RAI14: variants seen among roughly 807,000 people sequenced by gnomAD.
RAI14 encodes ankycorbin.
A neutral mutation model predicts 115.4 loss-of-function variants in RAI14; 45 were observed. The ratio of observed to expected loss-of-function variants is 0.39; its 90% CI spans 0.31 to 0.50. The LOEUF (loss-of-function observed/expected upper bound fraction) is 0.50, where lower values mean the gene tolerates loss of function less well. RAI14 is among the 20% of genes least tolerant of loss of function. The pLI is 0.85. For missense variants in RAI14, 939 were observed against 1,131.2 expected, an observed-to-expected ratio of 0.83 and a Z score of 2.44; for synonymous variants, 371 against 415.4, an observed-to-expected ratio of 0.89 and a Z score of 1.30.
chr5:34,685,166 G>A (rs1425370963), intron 1 of RAI14: 1 of 151,840 alleles, frequency 6.6e-6, no homozygotes, highest in Non-Finnish European at 1.5e-5. Context: ...AGGATAGCTT[G>A]AGCCCAGGAA....
chr5:34,697,640 G>A (rs755479034), intron 2 of RAI14, among the ~76,000 whole-genome samples: 6 of 152,164 alleles, frequency 3.9e-5, no homozygotes, highest in African/African-American at 9.7e-5. Context: ...TACACAGATA[G>A]GGACTATCAT....
At chr5:34,695,127 T>C (rs1739065099) in intron 2 of RAI14, among the ~76,000 whole-genome samples, 1 of 152,188 alleles carries the variant, frequency 6.6e-6, no homozygotes, top group Non-Finnish European at 1.5e-5. Flanking sequence ...CCTGAACTCC[T>C]GACCTCAGGT....
rs1758063681 is a variant in RAI14 at position 34,832,194 on chromosome 5, T to G, written c.*1429T>G. The G allele has an allele frequency of 6.6e-6, 1 of 152,662 alleles. No individual in the cohort carries two copies. Among genetic ancestry groups the G allele is most frequent in the African/African-American group, 2.4e-5 (1 of 41,452 alleles). The allele number at this position is 152,662 out of a possible 1,614,324, so 9.5% of individuals were successfully genotyped here. On this transcript the variant is annotated 3_prime_UTR_variant, in exon 18 of 18. Coordinates refer to ENST00000265109, the MANE Select transcript of RAI14 (RefSeq NM_015577.3). ...CAGGGCCCATGTCCCACAAGGCTGC[T>G]TGGCCTCAGTGGGTGCTTGGCTGTG...
At chr5:34,720,600 T>C (rs948076459) in intron 2 of RAI14, among the ~76,000 whole-genome samples, 25 of 151,822 alleles carry the variant, frequency 1.6e-4, no homozygotes, top group South Asian at 8.3e-4. Flanking sequence ...TTAGTAGAGA[T>C]GGGGTTTCAC....
intron 11 of RAI14, 109 bp from the exon 12 acceptor site, chr5:34,814,474 A>G: frequency 2.7e-6 from 2 of 741,622 alleles, no homozygotes; most frequent in Admixed American, 2.3e-5. Context: ...AAGGATACTT[A>G]CTGTTAGATT....
chr5:34,798,137 G>C (rs1458085146), intron 4 of RAI14, among the ~76,000 whole-genome samples: 1 of 152,140 alleles, frequency 6.6e-6, no homozygotes, highest in Non-Finnish European at 1.5e-5. Context: ...CCAGGTTCAA[G>C]TGACTCTCCT....
chr5:34,784,365 AG>A (rs1211215814), intron 3 of RAI14, among the ~76,000 whole-genome samples: 2 of 152,224 alleles, frequency 1.3e-5, no homozygotes, highest in African/African-American at 4.8e-5. Context: ...TATACTAGGG[AG>A]GATCCAATTA....
At chr5:34,743,517 A>G (rs991019572) in intron 2 of RAI14, among the ~76,000 whole-genome samples, 1 of 152,204 alleles carries the variant, frequency 6.6e-6, no homozygotes, top group Non-Finnish European at 1.5e-5. Flanking sequence ...TTTCCAATTA[A>G]GATTGCATTC....
chr5:34,772,939 C>T (rs1008134875), intron 3 of RAI14, among the ~76,000 whole-genome samples: 1 of 152,118 alleles, frequency 6.6e-6, no homozygotes, highest in Non-Finnish European at 1.5e-5. Context: ...GGATCAAAGT[C>T]ATTTTGTGTA....
At chr5:34,671,705 A>T (rs1413697177) in intron 1 of RAI14, among the ~76,000 whole-genome samples, 1 of 152,182 alleles carries the variant, frequency 6.6e-6, no homozygotes, top group Non-Finnish European at 1.5e-5. Flanking sequence ...TATTTCCAAT[A>T]TGTAATCCAT....
At chr5:34,770,766 C>G (rs141190584) in intron 3 of RAI14, among the ~76,000 whole-genome samples, 1 of 152,002 alleles carries the variant, frequency 6.6e-6, no homozygotes, top group South Asian at 2.1e-4. Context: ...CAGGACACTG[C>G]GTGTAGAGCC....
At chr5:34,665,031 A>ATATATG (rs1561220523) in intron 1 of RAI14, among the ~76,000 whole-genome samples, 1 of 31,428 alleles carries the variant, frequency 3.2e-5, no homozygotes, top group African/African-American at 7.9e-5. Flanking sequence ...GTATATATAT[A>ATATATG]TGTATATATA....
At position 34,832,497 on chromosome 5, in the gene RAI14, A is replaced by AT. The variant is rs745406553; in HGVS notation, c.*1733dup. ...AGCCTTTTATCTTGTTTCCGGATGC[A>AT]TATTTATTACGAGTACTCTGGTTAA... On this transcript the variant is annotated 3_prime_UTR_variant, in exon 18 of 18. Coordinates refer to ENST00000265109, the MANE Select transcript of RAI14 (RefSeq NM_015577.3). 7 of 152,624 alleles carry AT rather than the reference A, an allele frequency of 4.6e-5. No homozygotes were observed. Among genetic ancestry groups the AT allele is most frequent in the Non-Finnish European group, 8.8e-5 (6 of 68,028 alleles). 9.5% of individuals were successfully genotyped at this position (152,624 alleles called of 1,614,324 possible).
chr5:34,687,257 A>C (rs958180594), intron 2 of RAI14, among the ~76,000 whole-genome samples: 2 of 152,200 alleles, frequency 1.3e-5, no homozygotes, highest in Non-Finnish European at 2.9e-5. Context: ...AAACCTCAAC[A>C]TTTCTAAAGT....
At position 34,665,159 on chromosome 5, in the gene RAI14, GTA is replaced by G. The variant is rs1554037608; in HGVS notation, c.-49+8697_-49+8698del. On this transcript the variant is annotated intron_variant, in intron 1 of 17. Coordinates refer to ENST00000265109, the MANE Select transcript of RAI14 (RefSeq NM_015577.3). Reference sequence around the variant, plus strand: ...TATATATACACATATATATGTGTGTGTATATATATATATACACACATATATAT... The same window carrying G: ...TATATATACACATATATATGTGTGTGTATATATATATACACACATATATAT... Among the ~76,000 whole-genome samples the G allele has an allele frequency of 7.2e-4, 10 of 13,798 alleles. 4 individuals are homozygous for G. Among genetic ancestry groups the G allele is most frequent in the African/African-American group, 2.2e-3 (10 of 4,450 alleles). The allele number at this position is 13,798 out of a possible 152,430, so 9.1% of individuals were successfully genotyped here. A position where few individuals can be genotyped will look rare whatever the true frequency, so the allele number is the denominator to read the frequency against.
rs761936931 is a variant in RAI14 at position 34,814,612 on chromosome 5, A to G, written c.882A>G (p.Ile294Met). 3 of 1,613,642 alleles carry G rather than the reference A, an allele frequency of 1.9e-6. No homozygotes were observed. In the South Asian group the frequency reaches 3.3e-5, roughly 18 times the overall value. Residue 294 changes from isoleucine to methionine, a missense_variant, in exon 12 of 18, where the codon ATA becomes ATG. Physicochemically the swap from Ile to Met is conservative, Grantham distance 10. Coordinates refer to ENST00000265109, the MANE Select transcript of RAI14 (RefSeq NM_015577.3). ...GTGATGTCTCTTCCCCAAGATCAAT[A>G]ACTTCGACTCCACTATCGGGAAAGG... ...QLSDVSSPRS[I>M]TSTPLSGKES...
At chr5:34,689,084 T>C (rs1253174385) in intron 2 of RAI14, among the ~76,000 whole-genome samples, 3 of 152,120 alleles carry the variant, frequency 2.0e-5, no homozygotes, top group African/African-American at 7.2e-5. Context: ...GAAAGAGGAA[T>C]TTTGGGTGGA....
At chr5:34,770,659 G>A (rs73078620) in intron 3 of RAI14, among the ~76,000 whole-genome samples, 9,993 of 152,246 alleles carry the variant, frequency 0.066, 463 homozygotes, top group Middle Eastern at 0.16. Flanking sequence ...GAACTGCAAG[G>A]CAAAGGCCCT....
chr5:34,729,208 G>A (rs1017638235), intron 2 of RAI14, among the ~76,000 whole-genome samples: 2 of 151,964 alleles, frequency 1.3e-5, no homozygotes, highest in Admixed American at 6.6e-5. Flanking sequence ...AATTAGCCAG[G>A]GGTAGTGGCA....
Sources: allele counts gnomAD v4.1 joint callset (sites outside exome capture counted in the v4.1 genomes callset), GRCh38; gene constraint gnomAD v4.1.1; transcripts MANE v1.5; gene names NCBI Gene and HGNC (gene_info 2026-07-23, HGNC 2026-07-21).